The following SLC35F4 variants were observed in gnomAD, a reference collection of about 807,000 sequenced individuals.
SLC35F4 encodes chromosome 14 open reading frame 36.
In SLC35F4, 24 loss-of-function variants were observed where a neutral mutation model predicts 44.2. The ratio of observed to expected loss-of-function variants is 0.54; its 90% CI spans 0.39 to 0.76. The LOEUF is 0.76. SLC35F4 is among the 30% of genes least tolerant of loss of function. The probability of loss-of-function intolerance (pLI) is 0.00; values close to 1 mark genes in which losing one functional copy is unlikely to be tolerated. For synonymous variants in SLC35F4, 238 were observed against 223.6 expected, an observed-to-expected ratio of 1.06 and a Z score of -0.57; for missense variants, 562 against 586.1, an observed-to-expected ratio of 0.96 and a Z score of 0.42.
intron 1 of SLC35F4, among the ~76,000 whole-genome samples, chr14:57,757,706 A>T (rs1463511581): frequency 6.6e-6 from 1 of 152,066 alleles, no homozygotes; most frequent in Non-Finnish European, 1.5e-5. Context: ...CATCATTCTT[A>T]CTTCTACTTT....
At chr14:57,660,770 A>G (rs974286243) in intron 1 of SLC35F4, among the ~76,000 whole-genome samples, 3 of 152,088 alleles carry the variant, frequency 2.0e-5, no homozygotes, top group African/African-American at 7.2e-5. Context: ...TCTCACCAAC[A>G]TGAGTGGGTC....
At chr14:57,721,551 C>T (rs187044561) in intron 1 of SLC35F4, among the ~76,000 whole-genome samples, 3 of 152,272 alleles carry the variant, frequency 2.0e-5, no homozygotes, top group South Asian at 2.1e-4. Context: ...TGTGGAAAAA[C>T]ACACACAAGC....
intron 1 of SLC35F4, among the ~76,000 whole-genome samples, chr14:57,749,969 G>C (rs1818378746): frequency 6.6e-6 from 1 of 151,000 alleles, no homozygotes; most frequent in Admixed American, 6.6e-5. Context: ...ATCAAGTCAG[G>C]GATTTTAGGG....
intron 1 of SLC35F4, among the ~76,000 whole-genome samples, chr14:57,846,769 C>T (rs149000243): frequency 1.3e-5 from 2 of 152,284 alleles, no homozygotes; most frequent in Non-Finnish European, 2.9e-5. Context: ...GCTTTGAGAG[C>T]TCAGAAATGC....
intron 1 of SLC35F4, among the ~76,000 whole-genome samples, chr14:57,767,421 T>G (rs1289402452): frequency 6.6e-6 from 1 of 152,158 alleles, no homozygotes. Flanking sequence ...TCTCTAAATA[T>G]GTGGACATTA....
At chr14:57,888,389 T>C (rs2141037302) in intron 1 of SLC35F4, among the ~76,000 whole-genome samples, 1 of 152,356 alleles carries the variant, frequency 6.6e-6, no homozygotes, top group East Asian at 1.9e-4. Flanking sequence ...AATATCGTAG[T>C]AGAAGATGCA....
intron 1 of SLC35F4, among the ~76,000 whole-genome samples, chr14:57,754,052 C>T (rs907971088): frequency 6.6e-6 from 1 of 150,582 alleles, no homozygotes; most frequent in African/African-American, 2.4e-5. Context: ...CTCCTCTAAA[C>T]ATCCTCTACA....
intron 1 of SLC35F4, among the ~76,000 whole-genome samples, chr14:57,943,669 C>T (rs1014935926): frequency 6.6e-6 from 1 of 152,206 alleles, no homozygotes; most frequent in Non-Finnish European, 1.5e-5. Context: ...ACTTCCCCAG[C>T]CCCGATGTCT....
At chr14:57,813,765 G>A (rs1292467031) in intron 1 of SLC35F4, among the ~76,000 whole-genome samples, 1 of 152,120 alleles carries the variant, frequency 6.6e-6, no homozygotes, top group Middle Eastern at 3.2e-3. Context: ...AGAACAATGG[G>A]CACTGGCCTG....
At chr14:57,858,068 T>C (rs946862457) in intron 1 of SLC35F4, among the ~76,000 whole-genome samples, 8 of 152,102 alleles carry the variant, frequency 5.3e-5, no homozygotes, top group Admixed American at 2.0e-4. Flanking sequence ...AGGAACACTT[T>C]TGCACTGTTG....
At chr14:57,727,572 G>A (rs1317948384) in intron 1 of SLC35F4, among the ~76,000 whole-genome samples, 3 of 151,288 alleles carry the variant, frequency 2.0e-5, no homozygotes, top group Non-Finnish European at 4.4e-5. Context: ...GTGTCCCATA[G>A]GTTTTGGTAT....
chr14:57,787,118 T>C (rs1047973154), intron 1 of SLC35F4, among the ~76,000 whole-genome samples: 3 of 152,078 alleles, frequency 2.0e-5, no homozygotes, highest in Admixed American at 2.0e-4. Flanking sequence ...TGTGAAATGC[T>C]CTGGAAAGTC....
intron 1 of SLC35F4, among the ~76,000 whole-genome samples, chr14:57,849,392 C>T (rs1366383156): frequency 6.6e-6 from 1 of 152,120 alleles, no homozygotes; most frequent in Non-Finnish European, 1.5e-5. Context: ...GTACTCTCGA[C>T]CTCAGGTGAT....
At chr14:57,567,373 C>T (rs1181028871) in intron 6 of SLC35F4, among the ~76,000 whole-genome samples, 2 of 152,122 alleles carry the variant, frequency 1.3e-5, no homozygotes, top group Non-Finnish European at 2.9e-5. Flanking sequence ...GTAAAATGTC[C>T]TCAATTCAGA....
At chr14:57,873,333 T>C (rs1888333535) in intron 1 of SLC35F4, among the ~76,000 whole-genome samples, 1 of 152,208 alleles carries the variant, frequency 6.6e-6, no homozygotes, top group Non-Finnish European at 1.5e-5. Flanking sequence ...ATTTAAAGTC[T>C]CTACTAGTTC....
intron 1 of SLC35F4, among the ~76,000 whole-genome samples, chr14:57,814,030 G>A (rs570923612): frequency 6.6e-5 from 10 of 152,322 alleles, no homozygotes; most frequent in Admixed American, 3.3e-4. Context: ...CCCGTAATCA[G>A]TCCTGGCCTG....
chr14:57,745,987 A>G (rs906664123), intron 1 of SLC35F4, among the ~76,000 whole-genome samples: 10 of 152,176 alleles, frequency 6.6e-5, no homozygotes, highest in Non-Finnish European at 1.5e-4. Flanking sequence ...GCAAGGACAA[A>G]AAACCAAACA....
chr14:57,699,931 G>A (rs2075488747), intron 1 of SLC35F4, among the ~76,000 whole-genome samples: 1 of 152,190 alleles, frequency 6.6e-6, no homozygotes, highest in South Asian at 2.1e-4. Flanking sequence ...TAATTGCACA[G>A]GATAACTGAT....
intron 1 of SLC35F4, among the ~76,000 whole-genome samples, chr14:57,824,973 AG>A (rs1883571171): frequency 6.6e-6 from 1 of 152,166 alleles, no homozygotes; most frequent in South Asian, 2.1e-4. Flanking sequence ...CAAGGGCAGA[AG>A]GAGGAAAAAG....
Sources: gnomAD v4.1 joint callset for allele counts (sites outside exome capture counted in the v4.1 genomes callset) on GRCh38, gnomAD v4.1.1 for gene constraint, MANE v1.5 for transcripts, NCBI Gene and HGNC (gene_info 2026-07-23, HGNC 2026-07-21) for gene names.